The following SCUBE3 variants were observed in gnomAD, a reference collection of about 807,000 sequenced individuals.
SCUBE3 encodes signal peptide, CUB and EGF-like domain-containing protein 3.
In SCUBE3, 33 loss-of-function variants were observed where a neutral mutation model predicts 116.8. That is an observed-to-expected ratio of 0.28 (90% CI 0.21 to 0.38). SCUBE3 has a LOEUF of 0.38. Among genes scored for constraint, SCUBE3 ranks in the 10% least tolerant of loss-of-function variants. The pLI is 1.00. For synonymous variants in SCUBE3, 418 were observed against 496.9 expected (o/e 0.84, Z 2.11); for missense variants, 1,007 against 1,324.8 (o/e 0.76, Z 3.72).
At chr6:35,220,297 C>T (rs1783072704) in intron 1 of SCUBE3, 1 of 152,108 alleles carries the variant, frequency 6.6e-6, no homozygotes, top group African/African-American at 2.4e-5. Flanking sequence ...TCACTGGGCC[C>T]CAGATGAGAG....
intron 1 of SCUBE3, among the ~76,000 whole-genome samples, chr6:35,218,870 G>A (rs1005554341): frequency 7.9e-5 from 12 of 152,162 alleles, no homozygotes; most frequent in African/African-American, 2.9e-4. Context: ...GTGCCAGTGG[G>A]TTTAGACAAA....
chr6:35,242,537 G>T, intron 13 of SCUBE3, 85 bp from the exon 14 acceptor site: 1 of 1,251,534 alleles, frequency 8.0e-7, no homozygotes, highest in Non-Finnish European at 1.1e-6. Flanking sequence ...GATAGTTACA[G>T]TTAGAGATCT....
In SCUBE3 at chr6:35,231,984, C is replaced by T. The variant is rs1374540028; in HGVS notation, c.469+125C>T. The T allele has an allele frequency of 1.2e-6, 1 of 837,818 alleles. No individual in the cohort carries two copies. Among genetic ancestry groups the T allele is most frequent in the African/African-American group, 1.7e-5 (1 of 58,702 alleles). 51.9% of individuals were successfully genotyped at this position (837,818 alleles called of 1,614,324 possible). Reference sequence around the variant, plus strand: ...TCAGCTAGCTCCTTCTTCTCTTGTCCTTCAACTCAATCACACCCTAAAGGA... The same window carrying T: ...TCAGCTAGCTCCTTCTTCTCTTGTCTTTCAACTCAATCACACCCTAAAGGA... On this transcript the variant is annotated intron_variant, in intron 4 of 21. Transcript: ENST00000274938. This position sits in a 1 kb window ranked among gnomAD's most constrained non-coding sequence, Gnocchi z 4.2.
Position 35,231,413 on chromosome 6 carries a change from TC to T in SCUBE3, c.335-311del, listed in dbSNP as rs1185929155. ...CATCACTGTTCCTCTTTCTCTGGCTTCTTTCCTGGTGTCCTCTGTCTTCATA... is the reference window on the plus strand; with the variant it reads ...CATCACTGTTCCTCTTTCTCTGGCTTTTTCCTGGTGTCCTCTGTCTTCATA... On this transcript the variant is annotated intron_variant, in intron 3 of 21. Transcript: ENST00000274938. This position sits in a 1 kb window ranked among gnomAD's most constrained non-coding sequence, Gnocchi z 4.2. Among the ~76,000 whole-genome samples, 1 of 152,210 alleles carries T rather than the reference TC, an allele frequency of 6.6e-6. No individual in the cohort carries two copies. The highest frequency in any genetic ancestry group is 1.5e-5 in the Non-Finnish European group (1 of 68,030).
At position 35,233,034 on chromosome 6, in the gene SCUBE3, G is replaced by T; in HGVS notation, c.595+59G>T. On this transcript the variant is annotated intron_variant, in intron 5 of 21. Transcript: ENST00000274938. This position sits in a 1 kb window ranked among gnomAD's most constrained non-coding sequence, Gnocchi z 5.7. ...GGTCGGGGGTGAAAACATAGAGGAAGGGTATAGGGCTTCAGGAGCAAGAGG... is the reference window on the plus strand; with the variant it reads ...GGTCGGGGGTGAAAACATAGAGGAATGGTATAGGGCTTCAGGAGCAAGAGG... 3 of 1,598,268 alleles carry T rather than the reference G, an allele frequency of 1.9e-6. No individual in the cohort carries two copies. The highest frequency in any genetic ancestry group is 2.6e-6 in the Non-Finnish European group (3 of 1,167,676).
rs1224071342 is a variant in SCUBE3, at chr6:35,239,802, A to G, written c.880A>G (p.Asn294Asp). Residue 294 changes from asparagine (N) to aspartate (D), a missense_variant, in exon 8 of 22, where the codon AAC becomes GAC. This residue lies in a region of SCUBE3 where 214 missense variants were observed against 316.7 expected (regional missense o/e 0.68). Coordinates refer to ENST00000274938, the MANE Select transcript of SCUBE3 (RefSeq NM_152753.4). The surrounding 1 kb of genome is among the most constrained non-coding windows in gnomAD (Gnocchi z 4.1). ...CGGGGGCTGTGACCATATTTGCCGC[A>G]ACACAGTGGGCAGCTTCGAATGCAG... ...NNGGCDHICRNTVGSFECSCK... is the reference protein window; with the variant it reads ...NNGGCDHICRDTVGSFECSCK... 1 of 1,611,956 alleles carries G rather than the reference A, an allele frequency of 6.2e-7. No individual in the cohort carries two copies. The highest frequency in any genetic ancestry group is 8.5e-7 in the Non-Finnish European group (1 of 1,179,230).
rs376658138 is a variant in SCUBE3, at chr6:35,233,252, C to T, written c.663C>T (p.Cys221=). The T allele has an allele frequency of 7.6e-5, 122 of 1,612,970 alleles. 1 individual carries two copies. The South Asian group carries it at 9.6e-4, about 13-fold the overall frequency. Residue 221 remains cysteine (C), a synonymous_variant, in exon 6 of 22, where the codon TGC becomes TGT. Transcript: ENST00000274938. The surrounding 1 kb of genome is among the most constrained non-coding windows in gnomAD (Gnocchi z 5.7). Reference sequence around the variant, plus strand: ...ATGACACAGAGCAGGGTCCCCGGTGCGGCTGCCATATCAAGTTTGTGCTCC... The same window carrying T: ...ATGACACAGAGCAGGGTCCCCGGTGTGGCTGCCATATCAAGTTTGTGCTCC... The part of the protein sequence containing the change: ...TCDDTEQGPR[C]GCHIKFVLHT...
At chr6:35,218,094 C>T in intron 1 of SCUBE3, 1 of 981,184 alleles carries the variant, frequency 1.0e-6, no homozygotes, top group Non-Finnish European at 1.2e-6. Flanking sequence ...CATCAGCAGC[C>T]CTCAAATGAG....
At chr6:35,227,218 C>T (rs1043435704) in intron 1 of SCUBE3, among the ~76,000 whole-genome samples, 2 of 152,198 alleles carry the variant, frequency 1.3e-5, no homozygotes, top group African/African-American at 4.8e-5. Context: ...AACTTTCCCT[C>T]TAAGCCTTCT....
Position 35,240,472 on chromosome 6 carries a change from G to A in SCUBE3, c.1051G>A (p.Gly351Ser), listed in dbSNP as rs2150309062. 6.3e-7 allele frequency: 1 copy of A among 1,599,396 alleles called. No homozygotes were observed. The highest frequency in any genetic ancestry group is 1.1e-5 in the South Asian group (1 of 89,694). Reference sequence around the variant, plus strand: ...CTGCCATCGTGGCTACCTGTTGTATGGTATCACCCACTGTGGGGGTAAGCT... The same window carrying A: ...CTGCCATCGTGGCTACCTGTTGTATAGTATCACCCACTGTGGGGGTAAGCT... ...CLCHRGYLLYGITHCGDVDEC... is the reference protein window; with the variant it reads ...CLCHRGYLLYSITHCGDVDEC... Residue 351 changes from glycine to serine, a missense_variant, in exon 9 of 22, where the codon GGT (glycine) becomes AGT (serine). Transcript: ENST00000274938. This position sits in a 1 kb window ranked among gnomAD's most constrained non-coding sequence, Gnocchi z 4.6.
chr6:35,218,567 G>A (rs752086656), intron 1 of SCUBE3, among the ~76,000 whole-genome samples: 1 of 152,326 alleles, frequency 6.6e-6, no homozygotes, highest in Non-Finnish European at 1.5e-5. Flanking sequence ...GCTGGAAACT[G>A]CAGAGCTGCT....
chr6:35,236,390 A>T (rs948953605), intron 6 of SCUBE3, among the ~76,000 whole-genome samples: 1 of 152,218 alleles, frequency 6.6e-6, no homozygotes, highest in Admixed American at 6.5e-5. Flanking sequence ...CCTTGGCATA[A>T]GATCTCTGTG....
intron 1 of SCUBE3, among the ~76,000 whole-genome samples, chr6:35,220,082 C>G (rs998624565): frequency 6.6e-6 from 1 of 152,220 alleles, no homozygotes; most frequent in Non-Finnish European, 1.5e-5. Flanking sequence ...CAGCTCCTTC[C>G]GCTCCACGGT....
In SCUBE3 at chr6:35,214,360, T is replaced by G. The variant is rs1283464618; in HGVS notation, c.-59T>G. The stretch of plus-strand genomic sequence containing the variant: ...CCTGCGAGCTGGGATCCGGCCGGCT[T>G]CCGCCCTCCCCTGGCCGCGAGACCG... On this transcript the variant is annotated 5_prime_UTR_variant, in exon 1 of 22. Coordinates refer to ENST00000274938, the MANE Select transcript of SCUBE3 (RefSeq NM_152753.4). This position sits in a 1 kb window ranked among gnomAD's most constrained non-coding sequence, Gnocchi z 6.3. 8.6e-7 allele frequency: 1 copy of G among 1,162,868 alleles called. No individual in the cohort carries two copies. The highest frequency in any genetic ancestry group is 1.6e-5 in the African/African-American group (1 of 61,330). The allele number at this position is 1,162,868 out of a possible 1,614,324, so 72.0% of individuals were successfully genotyped here. A position where few individuals can be genotyped will look rare whatever the true frequency, so the allele number is the denominator to read the frequency against.
intron 6 of SCUBE3, among the ~76,000 whole-genome samples, chr6:35,236,669 CATTGGTGA>C (rs1385607603): frequency 6.6e-6 from 1 of 152,192 alleles, no homozygotes; most frequent in Admixed American, 6.5e-5. Flanking sequence ...TTCCTGTTCT[CATTGGTGA>C]CAAGAGTTGG....
rs1232048393 is a variant in SCUBE3, at chr6:35,251,195, C to T, written c.*2490C>T. The T allele has an allele frequency of 6.7e-6, 1 of 150,236 alleles. No homozygotes were observed. Among genetic ancestry groups the T allele is most frequent in the African/African-American group, 2.5e-5 (1 of 40,678 alleles). The allele number at this position is 150,236 out of a possible 1,614,324, so 9.3% of individuals were successfully genotyped here. On this transcript the variant is annotated 3_prime_UTR_variant, in exon 22 of 22. Coordinates refer to ENST00000274938, the MANE Select transcript of SCUBE3 (RefSeq NM_152753.4). ...TTGAGATGGAGTCTCGCTCTGTCAC[C>T]CAGGCTGGAGTGTAATGGTGCTATC...
Position 35,243,317 on chromosome 6 carries a change from A to G in SCUBE3, c.1909+81A>G, listed in dbSNP as rs1784164377. The G allele has an allele frequency of 4.9e-6, 6 of 1,223,644 alleles. No homozygotes were observed. In the South Asian group the frequency reaches 7.4e-5, roughly 15 times the overall value. 75.8% of individuals were successfully genotyped at this position (1,223,644 alleles called of 1,614,324 possible). A position where few individuals can be genotyped will look rare whatever the true frequency, so the allele number is the denominator to read the frequency against. ...TCAGAGCAGGACCCTTTGTGGCCTC[A>G]GATGCATTTCTCAAATTATGAGGCA... On this transcript the variant is annotated intron_variant, in intron 15 of 21. Transcript: ENST00000274938. This position sits in a 1 kb window ranked among gnomAD's most constrained non-coding sequence, Gnocchi z 6.6.
Position 35,250,692 on chromosome 6 carries a change from C to T in SCUBE3, c.*1987C>T, listed in dbSNP as rs959976427. On this transcript the variant is annotated 3_prime_UTR_variant, in exon 22 of 22. Transcript: ENST00000274938. ...GTCCCAATCAATCAAAGGCTACCAA[C>T]TGAGTCCTCAGGTTCATTTCTTTTT... is the stretch of plus-strand genomic sequence containing the variant. The T allele has an allele frequency of 2.7e-5, 4 of 149,776 alleles. No individual in the cohort carries two copies. The highest frequency in any genetic ancestry group is 9.8e-5 in the African/African-American group (4 of 40,872). The allele number at this position is 149,776 out of a possible 1,614,324, so 9.3% of individuals were successfully genotyped here.
chr6:35,226,289 T>C (rs1783318176), intron 1 of SCUBE3, among the ~76,000 whole-genome samples: 1 of 152,160 alleles, frequency 6.6e-6, no homozygotes, highest in African/African-American at 2.4e-5. Flanking sequence ...ATGTACCACA[T>C]TCTGCTCCAT....
Sources: allele counts gnomAD v4.1 joint callset (sites outside exome capture counted in the v4.1 genomes callset), GRCh38; gene constraint gnomAD v4.1.1; regional missense constraint gnomAD v4.1.1; non-coding constraint Gnocchi (gnomAD v3.1); transcripts MANE v1.5; gene names NCBI Gene and HGNC (gene_info 2026-07-23, HGNC 2026-07-21).